The following ANKRD12 variants were observed in gnomAD, a reference collection of about 807,000 sequenced individuals.
ANKRD12 encodes the protein ankyrin repeat domain-containing protein 12.
In ANKRD12, 85 loss-of-function variants were observed where a neutral mutation model predicts 183.4. The observed-to-expected ratio is 0.46, with a 90% CI of 0.39 to 0.56. ANKRD12 has a LOEUF of 0.56. ANKRD12 is among the 20% of genes least tolerant of loss of function. ANKRD12 has a pLI of 0.00. For missense variants in ANKRD12, 2,405 were observed against 2,357.1 expected, an observed-to-expected ratio of 1.02 and a Z score of -0.42; for synonymous variants, 914 against 800.2, an observed-to-expected ratio of 1.14 and a Z score of -2.40.
intron 6 of ANKRD12, among the ~76,000 whole-genome samples, chr18:9,213,219 A>G (rs2035905796): frequency 6.6e-6 from 1 of 151,926 alleles, no homozygotes; most frequent in Non-Finnish European, 1.5e-5. Flanking sequence ...CTATTATAAT[A>G]CACCTGGAAT....
Position 9,257,614 on chromosome 18 carries a change from G to T in ANKRD12, c.4347G>T (p.Gln1449His). Residue 1449 changes from glutamine (Q) to histidine (H), a missense_variant, in exon 9 of 13, where the codon CAG (glutamine) becomes CAT (histidine). Gln to His is a conservative substitution (Grantham distance 24). Coordinates refer to ENST00000262126, the MANE Select transcript of ANKRD12 (RefSeq NM_015208.5). ...TACCTGATCAAGAATCCTCTCTTCAGAGTTTTTGTAATTCTGAAAATAAGG... is the reference window on the plus strand; with the variant it reads ...TACCTGATCAAGAATCCTCTCTTCATAGTTTTTGTAATTCTGAAAATAAGG... Reference protein sequence around the residue: ...SNIPDQESSLQSFCNSENKVL... With the variant: ...SNIPDQESSLHSFCNSENKVL... 6.2e-7 allele frequency: 1 copy of T among 1,614,018 alleles called. No homozygotes were observed. The highest frequency in any genetic ancestry group is 8.5e-7 in the Non-Finnish European group (1 of 1,179,960).
Position 9,255,008 on chromosome 18 carries a change from G to C in ANKRD12, c.1741G>C (p.Val581Leu), listed in dbSNP as rs750017641. The C allele has an allele frequency of 3.7e-6, 6 of 1,608,692 alleles. No homozygotes were observed. The highest frequency in any genetic ancestry group is 5.1e-6 in the Non-Finnish European group (6 of 1,178,126). ...SSEMSLQPDL[V>L]RYDNTESEFL... Reference sequence around the variant, plus strand: ...TGAAATGTCATTACAGCCTGATCTTGTTCGGTATGATAATACAGAATCTGA... The same window carrying C: ...TGAAATGTCATTACAGCCTGATCTTCTTCGGTATGATAATACAGAATCTGA... The change falls in exon 9 of 13, where the codon GTT becomes CTT. Residue 581 changes from valine (V) to leucine (L), a missense_variant. Transcript: ENST00000262126.
At chr18:9,197,386 A>G (rs1281326347) in intron 3 of ANKRD12, among the ~76,000 whole-genome samples, 1 of 152,210 alleles carries the variant, frequency 6.6e-6, no homozygotes, top group East Asian at 1.9e-4. Context: ...GTTGTCACCA[A>G]ACAAAATTTT....
chr18:9,257,265 G>A lies in ANKRD12; in HGVS notation c.3998G>A (p.Gly1333Asp). ...FQTISEESNQ[G>D]SLLTVPGDTS... ...ACAATATCAGAAGAGAGCAATCAAG[G>A]TAGCTTATTAACTGTGCCAGGAGAT... The change falls in exon 9 of 13, where the codon GGT becomes GAT. Residue 1333 changes from glycine to aspartate, a missense_variant. Gly to Asp is a moderately conservative substitution (Grantham distance 94). Transcript: ENST00000262126. 6.2e-7 allele frequency: 1 copy of A among 1,614,110 alleles called. No homozygotes were observed. Among genetic ancestry groups the A allele is most frequent in the Non-Finnish European group, 8.5e-7 (1 of 1,180,008 alleles).
chr18:9,232,158 C>G (rs1019386529), intron 8 of ANKRD12, among the ~76,000 whole-genome samples: 4 of 152,156 alleles, frequency 2.6e-5, no homozygotes, highest in Non-Finnish European at 5.9e-5. Context: ...TGCTGATTTT[C>G]TGTGGTACTA....
intron 1 of ANKRD12, among the ~76,000 whole-genome samples, chr18:9,148,248 A>C (rs2078558326): frequency 6.6e-6 from 1 of 152,170 alleles, no homozygotes; most frequent in South Asian, 2.1e-4. Flanking sequence ...CATCTGTGCC[A>C]ACCCTCTCAA....
chr18:9,280,720 C>T (rs2040073401), intron 12 of ANKRD12, among the ~76,000 whole-genome samples: 1 of 151,910 alleles, frequency 6.6e-6, no homozygotes, highest in Non-Finnish European at 1.5e-5. Context: ...ACCCAGGAGG[C>T]GGAGGTTGCA....
chr18:9,217,595 C>T (rs531821587), intron 7 of ANKRD12, among the ~76,000 whole-genome samples: 4 of 152,260 alleles, frequency 2.6e-5, no homozygotes, highest in African/African-American at 9.6e-5. Flanking sequence ...CCATGTTTCT[C>T]AGCAAAGAAG....
At chr18:9,138,492 C>G (rs1395263059) in intron 1 of ANKRD12, among the ~76,000 whole-genome samples, 1 of 152,154 alleles carries the variant, frequency 6.6e-6, no homozygotes, top group East Asian at 1.9e-4. Flanking sequence ...CAGCCTGGGC[C>G]ACAAGAGCGA....
intron 8 of ANKRD12, among the ~76,000 whole-genome samples, chr18:9,234,591 G>A (rs72939214): frequency 0.013 from 2,055 of 152,264 alleles, 19 homozygotes; most frequent in Non-Finnish European, 0.019. Context: ...ATAGTCCTCT[G>A]GGTGGAGACT....
At chr18:9,226,559 G>A (rs1042833428) in intron 8 of ANKRD12, among the ~76,000 whole-genome samples, 1 of 152,110 alleles carries the variant, frequency 6.6e-6, no homozygotes, top group African/African-American at 2.4e-5. Flanking sequence ...ACTAATGGCT[G>A]ATAAACTTGG....
At chr18:9,224,427 A>G (rs2036596754) in intron 8 of ANKRD12, among the ~76,000 whole-genome samples, 1 of 152,166 alleles carries the variant, frequency 6.6e-6, no homozygotes, top group Non-Finnish European at 1.5e-5. Context: ...TTAAGCCAGC[A>G]AAATCTTGAT....
Position 9,195,594 on chromosome 18 carries a change from A to T in ANKRD12, c.131A>T (p.Glu44Val), listed in dbSNP as rs185371592. Residue 44 changes from glutamate (E) to valine (V), a missense_variant, in exon 3 of 13, where the codon GAA becomes GTA. Coordinates refer to ENST00000262126, the MANE Select transcript of ANKRD12 (RefSeq NM_015208.5). Reference sequence around the variant, plus strand: ...TCCTACAGCAAAACTCCAAAAATTGAACGAAGTGATGTGAGCAAGGAGATG... The same window carrying T: ...TCCTACAGCAAAACTCCAAAAATTGTACGAAGTGATGTGAGCAAGGAGATG... ...IASYSKTPKI[E>V]RSDVSKEMKE... is the part of the protein sequence containing the mutation. 25 of 1,611,558 alleles carry T rather than the reference A, an allele frequency of 1.6e-5. No homozygotes were observed. The highest frequency in any genetic ancestry group is 2.0e-5 in the Non-Finnish European group (24 of 1,178,884).
intron 1 of ANKRD12, among the ~76,000 whole-genome samples, chr18:9,149,232 T>C (rs2078597635): frequency 6.6e-6 from 1 of 152,224 alleles, no homozygotes; most frequent in African/African-American, 2.4e-5. Context: ...GTTTTGTTCA[T>C]CTTAGTTCCA....
intron 7 of ANKRD12, among the ~76,000 whole-genome samples, chr18:9,217,930 G>A (rs1348390017): frequency 1.3e-5 from 2 of 152,184 alleles, no homozygotes; most frequent in East Asian, 3.8e-4. Flanking sequence ...ACTGACTGAG[G>A]ATAGGCAGAA....
At chr18:9,189,985 C>T (rs2034350880) in intron 2 of ANKRD12, among the ~76,000 whole-genome samples, 1 of 152,134 alleles carries the variant, frequency 6.6e-6, no homozygotes, top group Non-Finnish European at 1.5e-5. Flanking sequence ...GCTGTAGCTG[C>T]CATAGAGAGT....
At chr18:9,165,239 A>G (rs2031907471) in intron 1 of ANKRD12, among the ~76,000 whole-genome samples, 1 of 151,722 alleles carries the variant, frequency 6.6e-6, no homozygotes, top group African/African-American at 2.4e-5. Context: ...TCTGTTTTCC[A>G]TTGCTTGGTA....
Position 9,257,472 on chromosome 18 carries a change from C to T in ANKRD12, c.4205C>T (p.Pro1402Leu), listed in dbSNP as rs142355341. 9.9e-6 allele frequency: 16 copies of T among 1,613,908 alleles called. No homozygotes were observed. Among genetic ancestry groups the T allele is most frequent in the Admixed American group, 3.3e-5 (2 of 59,988 alleles). Reference protein sequence around the residue: ...TAPVNTVMDSPVHLEPSSQVG... With the variant: ...TAPVNTVMDSLVHLEPSSQVG... ...CCAGTGAACACTGTAATGGACAGTC[C>T]AGTGCATTTAGAGCCATCTAGTCAG... The change falls in exon 9 of 13, where the codon CCA (proline) becomes CTA (leucine). Residue 1402 changes from proline to leucine, a missense_variant. Pro to Leu is a moderately conservative substitution (Grantham distance 98). Transcript: ENST00000262126.
At chr18:9,176,951 G>A (rs193182804) in intron 1 of ANKRD12, among the ~76,000 whole-genome samples, 1 of 152,288 alleles carries the variant, frequency 6.6e-6, no homozygotes, top group East Asian at 1.9e-4. Flanking sequence ...TGTTAATCCT[G>A]GAAGTCAGTT....
Sources: gnomAD v4.1 joint callset for allele counts (sites outside exome capture counted in the v4.1 genomes callset) on GRCh38, gnomAD v4.1.1 for gene constraint, MANE v1.5 for transcripts, NCBI Gene and HGNC (gene_info 2026-07-23, HGNC 2026-07-21) for gene names.